NXPH1: variants seen among roughly 807,000 people sequenced by gnomAD.
NXPH1 encodes the protein neurexophilin 1.
A neutral mutation model predicts 23.7 loss-of-function variants in NXPH1; 5 were observed. The ratio of observed to expected loss-of-function variants is 0.21; its 90% CI spans 0.11 to 0.44. The LOEUF is 0.44. Among genes scored for constraint, NXPH1 ranks in the 20% least tolerant of loss-of-function variants. The pLI is 0.99. For synonymous variants in NXPH1, 144 were observed against 122.2 expected (o/e 1.18, Z -1.18); for missense variants, 324 against 321.6 (o/e 1.01, Z -0.06).
intron 2 of NXPH1, among the ~76,000 whole-genome samples, chr7:8,715,530 T>A (rs1391625504): frequency 6.6e-6 from 1 of 152,188 alleles, no homozygotes; most frequent in Non-Finnish European, 1.5e-5. Context: ...GAATCTGAAC[T>A]CTTGGCTCTT....
intron 2 of NXPH1, among the ~76,000 whole-genome samples, chr7:8,468,499 T>A (rs1816820192): frequency 6.6e-6 from 1 of 152,128 alleles, no homozygotes; most frequent in Non-Finnish European, 1.5e-5. Context: ...TCTTTTGCTT[T>A]GCTTTTTGGT....
intron 2 of NXPH1, among the ~76,000 whole-genome samples, chr7:8,708,845 G>C (rs543297079): frequency 6.6e-6 from 1 of 152,232 alleles, no homozygotes; most frequent in African/African-American, 2.4e-5. Context: ...CTCAACATGT[G>C]TTCCATGACG....
At chr7:8,732,872 T>C (rs1780182584) in intron 2 of NXPH1, among the ~76,000 whole-genome samples, 1 of 152,148 alleles carries the variant, frequency 6.6e-6, no homozygotes, top group Admixed American at 6.5e-5. Context: ...AATTTATAAT[T>C]TTTTAAATTT....
chr7:8,552,450 G>T (rs562958171), intron 2 of NXPH1, among the ~76,000 whole-genome samples: 1 of 151,194 alleles, frequency 6.6e-6, no homozygotes, highest in Non-Finnish European at 1.5e-5. Context: ...GGTTTAAATG[G>T]CATTAGCACA....
intron 2 of NXPH1, among the ~76,000 whole-genome samples, chr7:8,484,211 T>C (rs1241385634): frequency 6.6e-6 from 1 of 152,138 alleles, no homozygotes; most frequent in African/African-American, 2.4e-5. Flanking sequence ...ATAGTCATAG[T>C]TGTTTTCAAA....
intron 2 of NXPH1, among the ~76,000 whole-genome samples, chr7:8,541,764 T>C (rs560165325): frequency 6.6e-6 from 1 of 151,774 alleles, no homozygotes; most frequent in East Asian, 2.0e-4. Flanking sequence ...ATAAGGTTTT[T>C]ATACTATATA....
chr7:8,714,565 T>A (rs779545516), intron 2 of NXPH1, among the ~76,000 whole-genome samples: 1 of 151,888 alleles, frequency 6.6e-6, no homozygotes, highest in Non-Finnish European at 1.5e-5. Context: ...GAAGCCAGCA[T>A]ATATCTGTGT....
intron 2 of NXPH1, among the ~76,000 whole-genome samples, chr7:8,675,561 G>T (rs543032847): frequency 6.6e-6 from 1 of 152,114 alleles, no homozygotes; most frequent in Non-Finnish European, 1.5e-5. Flanking sequence ...TGAGACTGCA[G>T]AAACAGAAGA....
intron 2 of NXPH1, among the ~76,000 whole-genome samples, chr7:8,631,705 A>G (rs970443587): frequency 6.6e-6 from 1 of 152,212 alleles, no homozygotes; most frequent in African/African-American, 2.4e-5. Flanking sequence ...CAATGTTGAT[A>G]GCACTTGCAG....
Position 8,685,089 on chromosome 7 carries a change from T to C in NXPH1, c.55-65919T>C, listed in dbSNP as rs559878862. Among the ~76,000 whole-genome samples, 11 of 152,246 alleles carry C rather than the reference T, an allele frequency of 7.2e-5. No individual in the cohort carries two copies. In the South Asian group the frequency reaches 2.3e-3, roughly 32 times the overall value. On this transcript the variant is annotated intron_variant, in intron 2 of 2. Coordinates refer to ENST00000405863, the MANE Select transcript of NXPH1 (RefSeq NM_152745.3). ...CTCCTGCCAGTGGTCTTGGCTTCTG[T>C]CTCTCAGGAACAGTTTCTATCTGTT...
intron 2 of NXPH1, among the ~76,000 whole-genome samples, chr7:8,625,894 T>C (rs1021275102): frequency 1.3e-5 from 2 of 152,152 alleles, no homozygotes; most frequent in African/African-American, 4.8e-5. Flanking sequence ...ATGGGAAGTT[T>C]CAAACAATGA....
intron 2 of NXPH1, among the ~76,000 whole-genome samples, chr7:8,456,863 T>C (rs1045209554): frequency 4.6e-5 from 7 of 152,174 alleles, no homozygotes; most frequent in Non-Finnish European, 1.0e-4. Flanking sequence ...GATTTGTGTT[T>C]TAAGTTTATT....
chr7:8,619,540 C>T (rs138914629), intron 2 of NXPH1, among the ~76,000 whole-genome samples: 307 of 152,248 alleles, frequency 2.0e-3, no homozygotes, highest in Non-Finnish European at 3.7e-3. Flanking sequence ...CCTGGCTAAC[C>T]TCATTTTACC....
intron 2 of NXPH1, among the ~76,000 whole-genome samples, chr7:8,716,809 A>G (rs1044266535): frequency 2.6e-5 from 4 of 152,222 alleles, no homozygotes; most frequent in African/African-American, 9.6e-5. Flanking sequence ...GTAAACAGTC[A>G]TTGCCCTGAG....
At chr7:8,444,665 T>A (rs1465783621) in intron 2 of NXPH1, among the ~76,000 whole-genome samples, 3 of 152,224 alleles carry the variant, frequency 2.0e-5, no homozygotes, top group African/African-American at 7.2e-5. Flanking sequence ...CTGAGGTGTG[T>A]GTGTGTGGTG....
At chr7:8,736,996 T>C (rs1047064015) in intron 2 of NXPH1, among the ~76,000 whole-genome samples, 1 of 152,022 alleles carries the variant, frequency 6.6e-6, no homozygotes, top group African/African-American at 2.4e-5. Flanking sequence ...TAAATATTCC[T>C]CTATCCCTTT....
intron 2 of NXPH1, among the ~76,000 whole-genome samples, chr7:8,699,199 T>C (rs1779582402): frequency 6.6e-6 from 1 of 152,198 alleles, no homozygotes; most frequent in Non-Finnish European, 1.5e-5. Context: ...TTTTTCATTT[T>C]AAACGTGAAA....
At chr7:8,616,903 G>A (rs1234266620) in intron 2 of NXPH1, among the ~76,000 whole-genome samples, 3 of 151,964 alleles carry the variant, frequency 2.0e-5, no homozygotes, top group Non-Finnish European at 4.4e-5. Context: ...AGATTTGAGG[G>A]GAGGACAGTG....
chr7:8,696,884 C>T (rs2087803525), intron 2 of NXPH1, among the ~76,000 whole-genome samples: 1 of 149,024 alleles, frequency 6.7e-6, no homozygotes, highest in Non-Finnish European at 1.5e-5. Flanking sequence ...TAGCTCATGC[C>T]TATTATCCCA....
Sources: allele counts gnomAD v4.1 joint callset (sites outside exome capture counted in the v4.1 genomes callset), GRCh38; gene constraint gnomAD v4.1.1; transcripts MANE v1.5; gene names NCBI Gene and HGNC (gene_info 2026-07-23, HGNC 2026-07-21).